Variants in FBXL5 observed in about 807,000 individuals in gnomAD.
FBXL5 encodes F-box/LRR-repeat protein 5.
Under a neutral mutation model 78.3 loss-of-function variants are expected in FBXL5, and 26 were observed. The observed-to-expected ratio is 0.33, with a 90% CI of 0.24 to 0.46. FBXL5 has a LOEUF of 0.46. Ranked by LOEUF, FBXL5 falls within the 20% of genes least tolerant of loss-of-function variation. The pLI is 1.00. For synonymous variants in FBXL5, 295 were observed against 282.5 expected (o/e 1.04, Z -0.45); for missense variants, 710 against 829.2 (o/e 0.86, Z 1.77).
intron 10 of FBXL5, among the ~76,000 whole-genome samples, chr4:15,606,010 G>GT (rs2148505156): frequency 6.6e-6 from 1 of 152,232 alleles, no homozygotes; most frequent in South Asian, 2.1e-4. Flanking sequence ...GGTCCAAAAG[G>GT]TAAGTGGAAG....
At position 15,627,945 on chromosome 4, in the gene FBXL5, A is replaced by G. The variant is rs746874281; in HGVS notation, c.981T>C (p.Tyr327=). Reference sequence around the variant, plus strand: ...CTAAGGTTTTTACAGAAGTACCAACATATGGTAGAACGTTATGAATTAAGC... The same window carrying G: ...CTAAGGTTTTTACAGAAGTACCAACGTATGGTAGAACGTTATGAATTAAGC... ...LHGLIHNVLP[Y]VGTSVKTLVL... is the part of the protein sequence containing the mutation. The change falls in exon 7 of 11, where the codon TAT becomes TAC. Residue 327 remains tyrosine (Y), a synonymous_variant. Coordinates refer to ENST00000341285, the MANE Select transcript of FBXL5 (RefSeq NM_012161.4). 5 of 1,613,700 alleles carry G rather than the reference A, an allele frequency of 3.1e-6. No homozygotes were observed. The Admixed American group carries it at 5.0e-5, about 16-fold the overall frequency.
intron 9 of FBXL5, among the ~76,000 whole-genome samples, chr4:15,619,598 G>C (rs547727037): frequency 1.3e-4 from 19 of 151,892 alleles, no homozygotes; most frequent in Non-Finnish European, 2.5e-4. Flanking sequence ...ATTAGAACAA[G>C]GTAAAAATGT....
At chr4:15,679,935 G>T (rs978027359) in intron 1 of FBXL5, among the ~76,000 whole-genome samples, 1 of 152,182 alleles carries the variant, frequency 6.6e-6, no homozygotes, top group African/African-American at 2.4e-5. Context: ...ATGTAGAAAT[G>T]ACATGTATTC....
In FBXL5 at chr4:15,646,194, T is replaced by C. The variant is rs2148676195; in HGVS notation, c.85-1486A>G. 2.0e-5 allele frequency among the ~76,000 whole-genome samples: 3 copies of C among 152,296 alleles called. No individual in the cohort carries two copies. In the East Asian group the frequency reaches 5.8e-4, roughly 29 times the overall value. ...GTAAATGAATGACTGTAGCTGTATT[T>C]CCATAAAACTTTATAAACACTGAAA... On this transcript the variant is annotated intron_variant, in intron 1 of 10. Transcript: ENST00000341285.
rs571576070 is a variant in FBXL5 at position 15,680,851 on chromosome 4, TA to T, written c.-284+531del. Among the ~76,000 whole-genome samples the T allele has an allele frequency of 3.0e-3, 448 of 149,472 alleles. 2 individuals carry two copies. Among genetic ancestry groups the T allele is most frequent in the Non-Finnish European group, 4.4e-3 (299 of 67,354 alleles). The stretch of plus-strand genomic sequence containing the variant: ...ATGTTTCCCTGTTTAAGGTAGAATT[TA>T]AAAAAAAACTATATATGACATATAT... On this transcript the variant is annotated intron_variant, in intron 1 of 4. Coordinates refer to the FBXL5 transcript ENST00000507899.
chr4:15,665,570 T>G (rs892873853), intron 1 of FBXL5, among the ~76,000 whole-genome samples: 2 of 152,076 alleles, frequency 1.3e-5, no homozygotes, highest in Non-Finnish European at 2.9e-5. Flanking sequence ...AACCCAAGTT[T>G]ATATTTGTTT....
intron 2 of FBXL5, among the ~76,000 whole-genome samples, chr4:15,643,264 CTT>C (rs1179488371): frequency 2.6e-5 from 4 of 152,250 alleles, no homozygotes; most frequent in Admixed American, 2.6e-4. Flanking sequence ...TTTTCTTTAT[CTT>C]TAATCCATCC....
intron 1 of FBXL5, among the ~76,000 whole-genome samples, chr4:15,649,690 A>G (rs1394961045): frequency 6.6e-6 from 1 of 152,064 alleles, no homozygotes; most frequent in African/African-American, 2.4e-5. Context: ...GCCTTCACAT[A>G]TAGACTTTAT....
At chr4:15,612,956 T>A (rs775365478) in intron 9 of FBXL5, among the ~76,000 whole-genome samples, 1 of 152,166 alleles carries the variant, frequency 6.6e-6, no homozygotes, top group Non-Finnish European at 1.5e-5. Flanking sequence ...AACTCAAATG[T>A]CCATTAACTA....
chr4:15,665,129 C>T (rs1717484311), intron 1 of FBXL5, among the ~76,000 whole-genome samples: 1 of 152,150 alleles, frequency 6.6e-6, no homozygotes, highest in Admixed American at 6.5e-5. Context: ...CCCATTCTTC[C>T]TCGAAACCTC....
chr4:15,623,986 CTAAT>C (rs1712751155), intron 9 of FBXL5, among the ~76,000 whole-genome samples: 1 of 151,882 alleles, frequency 6.6e-6, no homozygotes, highest in Non-Finnish European at 1.5e-5. Context: ...CCGTGCCCGG[CTAAT>C]TTTTTTTTTA....
chr4:15,669,961 A>G (rs965057739), intron 1 of FBXL5, among the ~76,000 whole-genome samples: 11 of 152,228 alleles, frequency 7.2e-5, no homozygotes, highest in African/African-American at 2.4e-4. Flanking sequence ...GAAATTTTGC[A>G]ACATATGGAA....
chr4:15,611,216 G>A (rs1249781769), intron 10 of FBXL5, among the ~76,000 whole-genome samples: 1 of 152,054 alleles, frequency 6.6e-6, no homozygotes, highest in Non-Finnish European at 1.5e-5. Context: ...TGTGATTCCT[G>A]AAATAAGAGA....
chr4:15,680,960 C>CAT (rs887106373), intron 1 of FBXL5, among the ~76,000 whole-genome samples: 5 of 147,568 alleles, frequency 3.4e-5, no homozygotes, highest in African/African-American at 1.2e-4. Context: ...TTTTGTTTCA[C>CAT]ATATATATAT....
intron 1 of FBXL5, among the ~76,000 whole-genome samples, chr4:15,670,097 G>GT (rs1009799215): frequency 1.3e-5 from 2 of 152,312 alleles, no homozygotes; most frequent in Non-Finnish European, 2.9e-5. Context: ...TTGCATGTGT[G>GT]TATCAACAGT....
chr4:15,642,413 T>A (rs1259004574), intron 2 of FBXL5, among the ~76,000 whole-genome samples: 9 of 151,938 alleles, frequency 5.9e-5, no homozygotes, highest in Non-Finnish European at 1.3e-4. Context: ...TTTTGGTATT[T>A]TTAGTAGAGA....
chr4:15,638,890 C>G (rs1019906593), intron 3 of FBXL5, among the ~76,000 whole-genome samples, 196 bp from the exon 4 acceptor site: 1 of 152,164 alleles, frequency 6.6e-6, no homozygotes, highest in Non-Finnish European at 1.5e-5. Flanking sequence ...CCTGGCCAGG[C>G]GCGGTGGCTA....
intron 2 of FBXL5, among the ~76,000 whole-genome samples, chr4:15,643,040 C>T (rs920807642): frequency 3.3e-5 from 5 of 151,982 alleles, no homozygotes; most frequent in African/African-American, 9.7e-5. Flanking sequence ...TCAGATTTGT[C>T]GAAGGTGTAT....
chr4:15,671,420 T>C (rs1168766737), intron 1 of FBXL5, among the ~76,000 whole-genome samples: 1 of 151,988 alleles, frequency 6.6e-6, no homozygotes, highest in Non-Finnish European at 1.5e-5. Flanking sequence ...ATTAAACAAT[T>C]TGATTATGGT....
Sources: gnomAD v4.1 joint callset for allele counts (sites outside exome capture counted in the v4.1 genomes callset) on GRCh38, gnomAD v4.1.1 for gene constraint, MANE v1.5 for transcripts, NCBI Gene and HGNC (gene_info 2026-07-23, HGNC 2026-07-21) for gene names.